The following ST6GALNAC3 variants were observed in gnomAD, a reference collection of about 807,000 sequenced individuals.
The protein encoded by ST6GALNAC3 is ST6 N-acetylgalactosaminide alpha-2,6-sialyltransferase 3.
Under a neutral mutation model 32.7 loss-of-function variants are expected in ST6GALNAC3, and 25 were observed. That is an observed-to-expected ratio of 0.76 (90% CI 0.56 to 1.07). The LOEUF is 1.07. ST6GALNAC3 is among the 50% of genes least tolerant of loss of function. The pLI, the probability that ST6GALNAC3 is intolerant of heterozygous loss-of-function variation, is 0.00. For synonymous variants in ST6GALNAC3, 129 were observed against 133.1 expected, an observed-to-expected ratio of 0.97 and a Z score of 0.21; for missense variants, 355 against 382.4, an observed-to-expected ratio of 0.93 and a Z score of 0.60.
chr1:76,106,548 A>G (rs935305344), intron 1 of ST6GALNAC3, among the ~76,000 whole-genome samples: 8 of 152,264 alleles, frequency 5.3e-5, no homozygotes, highest in East Asian at 1.9e-4. Context: ...ATGGCCCCCA[A>G]TGCTTTGTGT....
intron 1 of ST6GALNAC3, among the ~76,000 whole-genome samples, chr1:76,297,921 G>T (rs1660500704): frequency 6.6e-6 from 1 of 151,978 alleles, no homozygotes; most frequent in Non-Finnish European, 1.5e-5. Flanking sequence ...GCTAGGAGAA[G>T]TATCAGAGAA....
intron 3 of ST6GALNAC3, among the ~76,000 whole-genome samples, chr1:76,595,028 A>G (rs549016211): frequency 1.1e-4 from 16 of 152,294 alleles, no homozygotes; most frequent in Admixed American, 1.0e-3. Context: ...TTTTTCAAAA[A>G]AAGGAGAGCT....
At chr1:76,238,895 G>C (rs1432053807) in intron 1 of ST6GALNAC3, among the ~76,000 whole-genome samples, 1 of 151,278 alleles carries the variant, frequency 6.6e-6, no homozygotes, top group East Asian at 1.9e-4. Flanking sequence ...TCTCAATCTG[G>C]GACAGTTTAG....
chr1:76,363,398 C>A (rs1341230950), intron 2 of ST6GALNAC3, among the ~76,000 whole-genome samples: 1 of 152,186 alleles, frequency 6.6e-6, no homozygotes, highest in East Asian at 1.9e-4. Flanking sequence ...CCATCTGAGA[C>A]CTTCTTGGCC....
intron 1 of ST6GALNAC3, among the ~76,000 whole-genome samples, chr1:76,233,129 C>CT (rs1656462803): frequency 6.6e-6 from 1 of 152,198 alleles, no homozygotes; most frequent in Admixed American, 6.5e-5. Flanking sequence ...CCCATTCTTC[C>CT]TCATTACTTC....
At chr1:76,336,558 A>T (rs1037578087) in intron 2 of ST6GALNAC3, among the ~76,000 whole-genome samples, 2 of 152,196 alleles carry the variant, frequency 1.3e-5, no homozygotes, top group Non-Finnish European at 2.9e-5. Flanking sequence ...AATTCATGAG[A>T]TAATCATTGT....
chr1:76,378,133 A>G (rs1286968248), intron 2 of ST6GALNAC3, among the ~76,000 whole-genome samples: 7 of 152,104 alleles, frequency 4.6e-5, no homozygotes, highest in Non-Finnish European at 1.0e-4. Context: ...TTGGTATGTG[A>G]AGTAGCAGTT....
At chr1:76,452,822 C>T (rs1326359588) in intron 3 of ST6GALNAC3, among the ~76,000 whole-genome samples, 1 of 152,090 alleles carries the variant, frequency 6.6e-6, no homozygotes, top group Non-Finnish European at 1.5e-5. Flanking sequence ...TTCTCTCTTT[C>T]TCTATCTTAT....
chr1:76,194,587 T>C (rs373760024), intron 1 of ST6GALNAC3, among the ~76,000 whole-genome samples: 6 of 152,352 alleles, frequency 3.9e-5, no homozygotes, highest in Admixed American at 1.3e-4. Flanking sequence ...AAGACATTTT[T>C]TGCAACTCTG....
chr1:76,516,203 A>G (rs1311533422), intron 3 of ST6GALNAC3, among the ~76,000 whole-genome samples: 2 of 152,214 alleles, frequency 1.3e-5, no homozygotes, highest in Non-Finnish European at 2.9e-5. Context: ...GGGTATGTGC[A>G]GGCCAAGAGG....
chr1:76,229,219 T>A lies in ST6GALNAC3; in HGVS notation c.19-84586T>A, dbSNP rs1037408623. ...TAACAAGTCAGATTGCAATCTCCAG[T>A]AACCATCTAGGAAGCTAAACAATAA... On this transcript the variant is annotated intron_variant, in intron 1 of 4. Coordinates refer to ENST00000328299, the MANE Select transcript of ST6GALNAC3 (RefSeq NM_152996.4). 2.0e-5 allele frequency among the ~76,000 whole-genome samples: 3 copies of A among 152,120 alleles called. No individual in the cohort carries two copies. In the South Asian group the frequency reaches 6.2e-4, roughly 32 times the overall value.
downstream of ST6GALNAC3, chr1:76,637,010 G>C (rs1649520498): frequency 6.7e-6 from 1 of 148,930 alleles, no homozygotes; most frequent in Non-Finnish European, 1.5e-5. Context: ...TCTTTACAGG[G>C]ATAAATTGTT....
At chr1:76,503,331 T>A (rs143748026) in intron 3 of ST6GALNAC3, among the ~76,000 whole-genome samples, 106 of 152,358 alleles carry the variant, frequency 7.0e-4, no homozygotes, top group African/African-American at 2.5e-3. Flanking sequence ...TTGGCTTAGC[T>A]CTGCCGCAGT....
chr1:76,614,369 G>A (rs982412730), intron 3 of ST6GALNAC3, among the ~76,000 whole-genome samples: 5 of 152,162 alleles, frequency 3.3e-5, no homozygotes, highest in Admixed American at 6.5e-5. Flanking sequence ...TTTACACAGT[G>A]ATTTTTAACC....
chr1:76,287,435 G>T (rs1299296769), intron 1 of ST6GALNAC3, among the ~76,000 whole-genome samples: 2 of 141,702 alleles, frequency 1.4e-5, no homozygotes, highest in Non-Finnish European at 1.5e-5. Flanking sequence ...AGTGTGGGAT[G>T]GTGCACAAAT....
chr1:76,496,146 C>T (rs1372657301), intron 3 of ST6GALNAC3, among the ~76,000 whole-genome samples: 3 of 152,052 alleles, frequency 2.0e-5, no homozygotes, highest in African/African-American at 7.2e-5. Context: ...TGAAATGGTC[C>T]CTCCCTCCAT....
intron 3 of ST6GALNAC3, among the ~76,000 whole-genome samples, chr1:76,579,058 T>A (rs941753778): frequency 6.6e-6 from 1 of 152,058 alleles, no homozygotes; most frequent in Non-Finnish European, 1.5e-5. Context: ...AAAACCAGAC[T>A]ATTATATGTC....
intron 3 of ST6GALNAC3, among the ~76,000 whole-genome samples, chr1:76,560,281 T>A (rs1282216297): frequency 6.6e-6 from 1 of 152,078 alleles, no homozygotes; most frequent in Admixed American, 6.6e-5. Context: ...TTGGGCGAAA[T>A]TTTATTGAGA....
intron 1 of ST6GALNAC3, among the ~76,000 whole-genome samples, chr1:76,108,781 G>A (rs1003845961): frequency 7.3e-5 from 11 of 151,120 alleles, no homozygotes; most frequent in African/African-American, 2.2e-4. Flanking sequence ...GTTAGGTGTA[G>A]TGGGTTAAGT....
Sources: allele counts gnomAD v4.1 joint callset (sites outside exome capture counted in the v4.1 genomes callset), GRCh38; gene constraint gnomAD v4.1.1; transcripts MANE v1.5; gene names NCBI Gene and HGNC (gene_info 2026-07-23, HGNC 2026-07-21).